The following SNTG1 variants were observed in gnomAD, a reference collection of about 807,000 sequenced individuals.
The protein encoded by SNTG1 is syntrophin gamma 1.
A neutral mutation model predicts 74.7 loss-of-function variants in SNTG1; 39 were observed. That is an observed-to-expected ratio of 0.52 (90% CI 0.40 to 0.68). The LOEUF (loss-of-function observed/expected upper bound fraction) is 0.68. Among genes scored for constraint, SNTG1 ranks in the 30% least tolerant of loss-of-function variants. SNTG1 has a pLI of 0.00. For missense variants in SNTG1, 685 were observed against 609.5 expected (o/e 1.12, Z -1.30); for synonymous variants, 254 against 217.1 (o/e 1.17, Z -1.49).
At chr8:50,362,388 A>G (rs934091731) in intron 2 of SNTG1, among the ~76,000 whole-genome samples, 8 of 152,190 alleles carry the variant, frequency 5.3e-5, no homozygotes, top group Non-Finnish European at 1.0e-4. Context: ...TGGAAAATGA[A>G]TTTTTTGAGG....
intron 1 of SNTG1, among the ~76,000 whole-genome samples, chr8:49,994,734 C>G (rs1814042979): frequency 6.6e-6 from 1 of 151,758 alleles, no homozygotes; most frequent in Non-Finnish European, 1.5e-5. Context: ...AAGAAACATC[C>G]TCATATAATG....
chr8:50,427,174 T>C (rs539106368), intron 4 of SNTG1, among the ~76,000 whole-genome samples: 8 of 152,258 alleles, frequency 5.3e-5, no homozygotes, highest in African/African-American at 1.9e-4. Context: ...CAAAAATCAA[T>C]GTTATTTCTT....
At chr8:50,531,373 C>T (rs1021171450) in intron 10 of SNTG1, among the ~76,000 whole-genome samples, 7 of 151,526 alleles carry the variant, frequency 4.6e-5, no homozygotes, top group African/African-American at 1.2e-4. Flanking sequence ...CAATAAGTGG[C>T]ATTTAAAACC....
chr8:50,013,886 T>C (rs1451234681), intron 1 of SNTG1, among the ~76,000 whole-genome samples: 2 of 152,142 alleles, frequency 1.3e-5, no homozygotes, highest in African/African-American at 4.8e-5. Context: ...GGAGAAAACA[T>C]TGCAGAATGG....
chr8:50,083,598 C>T (rs969976641), intron 1 of SNTG1, among the ~76,000 whole-genome samples: 3 of 152,140 alleles, frequency 2.0e-5, no homozygotes, highest in African/African-American at 7.2e-5. Flanking sequence ...TATTTTTTCA[C>T]TAACAGAATT....
At chr8:50,150,110 TC>T (rs2082013198) in intron 1 of SNTG1, among the ~76,000 whole-genome samples, 1 of 152,178 alleles carries the variant, frequency 6.6e-6, no homozygotes, top group African/African-American at 2.4e-5. Flanking sequence ...GTCCTTCACA[TC>T]CCTTGTAAGT....
chr8:50,338,845 A>G (rs1295667397), intron 2 of SNTG1, among the ~76,000 whole-genome samples: 4 of 152,130 alleles, frequency 2.6e-5, no homozygotes, highest in Non-Finnish European at 4.4e-5. Flanking sequence ...AAGAAAGAAA[A>G]CATGTAGGAA....
chr8:50,491,475 G>A (rs1016055018), intron 8 of SNTG1: 6 of 152,270 alleles, frequency 3.9e-5, no homozygotes, highest in Non-Finnish European at 5.9e-5. Context: ...TACACAAGAC[G>A]ACAGAAAGCC....
chr8:50,094,954 A>G (rs775429281), intron 1 of SNTG1, among the ~76,000 whole-genome samples: 1 of 152,206 alleles, frequency 6.6e-6, no homozygotes, highest in Non-Finnish European at 1.5e-5. Flanking sequence ...TGGCACATAT[A>G]CACCATAGAC....
chr8:50,653,868 TAA>T (rs777330929), intron 13 of SNTG1, among the ~76,000 whole-genome samples: 48 of 152,186 alleles, frequency 3.2e-4, no homozygotes, highest in Non-Finnish European at 5.6e-4. Flanking sequence ...GGTATAAAGT[TAA>T]AGTTTTCCAG....
chr8:50,502,503 C>T (rs1305189357), intron 8 of SNTG1, among the ~76,000 whole-genome samples: 2 of 152,084 alleles, frequency 1.3e-5, no homozygotes, highest in Admixed American at 1.3e-4. Context: ...CTCATATTGC[C>T]TAATATAGAG....
chr8:50,310,908 T>C (rs1302635689), intron 2 of SNTG1, among the ~76,000 whole-genome samples: 1 of 152,008 alleles, frequency 6.6e-6, no homozygotes, highest in Non-Finnish European at 1.5e-5. Flanking sequence ...CTAAATGGGG[T>C]CTTACAGTTA....
At chr8:50,515,240 T>C (rs917202032) in intron 9 of SNTG1, among the ~76,000 whole-genome samples, 1 of 151,754 alleles carries the variant, frequency 6.6e-6, no homozygotes, top group African/African-American at 2.4e-5. Flanking sequence ...TGGCTTCTTG[T>C]TGCATATAAA....
chr8:50,010,390 G>A (rs547426948), intron 1 of SNTG1, among the ~76,000 whole-genome samples: 1 of 152,182 alleles, frequency 6.6e-6, no homozygotes, highest in African/African-American at 2.4e-5. Flanking sequence ...AGTGCTCTTT[G>A]ACAATTTAAT....
At chr8:50,503,696 C>T (rs1469720983) in intron 9 of SNTG1, among the ~76,000 whole-genome samples, 1 of 152,184 alleles carries the variant, frequency 6.6e-6, no homozygotes, top group East Asian at 1.9e-4. Context: ...TCACATATTT[C>T]TTAGTTTGTT....
intron 18 of SNTG1, among the ~76,000 whole-genome samples, chr8:50,788,485 A>G (rs2095682136): frequency 6.6e-6 from 1 of 151,862 alleles, no homozygotes; most frequent in Non-Finnish European, 1.5e-5. Context: ...AGGACTCAAG[A>G]GTTATTGACC....
intron 4 of SNTG1, 116 bp from the exon 5 acceptor site, chr8:50,438,427 C>G (rs2093326760): frequency 2.6e-6 from 2 of 763,746 alleles, no homozygotes; most frequent in Admixed American, 4.6e-5. Context: ...GAAGAGTTCT[C>G]TTTTGTTTTA....
At chr8:49,934,299 C>T (rs1585560516) in intron 1 of SNTG1, among the ~76,000 whole-genome samples, 1 of 149,520 alleles carries the variant, frequency 6.7e-6, no homozygotes, top group African/African-American at 2.5e-5. Flanking sequence ...ATCTATCTAT[C>T]TATCTATCTA....
chr8:50,010,835 A>C (rs1216987236), intron 1 of SNTG1, among the ~76,000 whole-genome samples: 1 of 142,424 alleles, frequency 7.0e-6, no homozygotes, highest in Admixed American at 7.2e-5. Flanking sequence ...AAGAGGAGGA[A>C]GTTAGTTACT....
Sources: allele counts gnomAD v4.1 joint callset (sites outside exome capture counted in the v4.1 genomes callset), GRCh38; gene constraint gnomAD v4.1.1; transcripts MANE v1.5; gene names NCBI Gene and HGNC (gene_info 2026-07-23, HGNC 2026-07-21).